MCCC1: variants seen among roughly 807,000 people sequenced by gnomAD.
The protein encoded by MCCC1 is methylcrotonyl-CoA carboxylase subunit 1, also known as methylcrotonoyl-CoA carboxylase subunit alpha, mitochondrial.
Under a neutral mutation model 83.8 loss-of-function variants are expected in MCCC1, and 64 were observed. The ratio of observed to expected loss-of-function variants is 0.76; its 90% CI spans 0.62 to 0.94. The LOEUF is 0.94. Among genes scored for constraint, MCCC1 ranks in the 40% least tolerant of loss-of-function variants. MCCC1 has a pLI of 0.00. For missense variants in MCCC1, 807 were observed against 904.7 expected, an observed-to-expected ratio of 0.89 and a Z score of 1.39; for synonymous variants, 322 against 315.4, an observed-to-expected ratio of 1.02 and a Z score of -0.22.
chr3:183,022,580 T>C (rs758013900), intron 15 of MCCC1, 26 bp from the exon 16 acceptor site: 1 of 1,561,664 alleles, frequency 6.4e-7, no homozygotes, highest in East Asian at 2.3e-5. Context: ...AATAAGATTT[T>C]TAAAATAAAT....
chr3:183,090,971 T>C, intron 3 of MCCC1: 2 of 456,598 alleles, frequency 4.4e-6, no homozygotes, highest in Middle Eastern at 3.3e-4. Context: ...CATAACTAAG[T>C]CAGCAGATTC....
At chr3:183,059,751 C>T (rs927143732) in intron 7 of MCCC1, among the ~76,000 whole-genome samples, 1 of 152,208 alleles carries the variant, frequency 6.6e-6, no homozygotes, top group African/African-American at 2.4e-5. Flanking sequence ...CTCCTTCATA[C>T]TTGAAGCATA....
At chr3:183,040,556 C>A (rs140379961) in intron 11 of MCCC1, among the ~76,000 whole-genome samples, 901 of 112,312 alleles carry the variant, frequency 8.0e-3, no homozygotes, top group Non-Finnish European at 0.01. Context: ...ACTAAAAATA[C>A]AAAAAAAAAA....
At chr3:183,082,423 T>C (rs1463542808) in intron 4 of MCCC1, among the ~76,000 whole-genome samples, 1 of 152,152 alleles carries the variant, frequency 6.6e-6, no homozygotes, top group African/African-American at 2.4e-5. Context: ...AATACACATA[T>C]AGAAAAGCAC....
intron 4 of MCCC1, among the ~76,000 whole-genome samples, chr3:183,075,565 GA>G (rs1418760166): frequency 8.0e-4 from 2 of 2,486 alleles, no homozygotes; most frequent in African/African-American, 1.1e-3. Context: ...TTTTGAGACA[GA>G]GTCTTGCTCT....
At chr3:183,049,770 G>A (rs1045141450) in intron 9 of MCCC1, among the ~76,000 whole-genome samples, 2 of 152,072 alleles carry the variant, frequency 1.3e-5, no homozygotes, top group Non-Finnish European at 2.9e-5. Flanking sequence ...TGATAACCTA[G>A]ATGAAATGAA....
intron 8 of MCCC1, among the ~76,000 whole-genome samples, chr3:183,056,667 A>G (rs753052171): frequency 1.3e-5 from 2 of 152,224 alleles, no homozygotes; most frequent in Non-Finnish European, 2.9e-5. Context: ...ATTCCATTCC[A>G]GTAATTAATT....
intron 4 of MCCC1, among the ~76,000 whole-genome samples, chr3:183,079,834 A>AG (rs1328086368): frequency 6.6e-6 from 1 of 152,194 alleles, no homozygotes; most frequent in Non-Finnish European, 1.5e-5. Flanking sequence ...ATCTAGGCGG[A>AG]GGTTCCCAAA....
chr3:183,044,174 G>A (rs1560227196), intron 10 of MCCC1, among the ~76,000 whole-genome samples: 1 of 152,160 alleles, frequency 6.6e-6, no homozygotes, highest in Non-Finnish European at 1.5e-5. Flanking sequence ...CAATTTAGAT[G>A]CAGGATATAC....
At chr3:183,040,097 A>AG in intron 11 of MCCC1, among the ~76,000 whole-genome samples, 1 of 72,906 alleles carries the variant, frequency 1.4e-5, no homozygotes, top group African/African-American at 6.1e-5. Flanking sequence ...ACTCCATCTC[A>AG]GAAAAAAAAA....
chr3:183,067,142 A>G (rs1716313847), intron 7 of MCCC1, among the ~76,000 whole-genome samples: 1 of 152,222 alleles, frequency 6.6e-6, no homozygotes, highest in Non-Finnish European at 1.5e-5. Context: ...TAAAGCCAAT[A>G]AAAGCCCCTG....
intron 7 of MCCC1, among the ~76,000 whole-genome samples, chr3:183,060,789 T>C (rs1715771037): frequency 6.6e-6 from 1 of 151,296 alleles, no homozygotes. Context: ...GTGTTCTCAT[T>C]GTTCAATTCC....
At chr3:183,093,733 C>T (rs1447429448) in intron 2 of MCCC1, among the ~76,000 whole-genome samples, 1 of 151,888 alleles carries the variant, frequency 6.6e-6, no homozygotes, top group East Asian at 1.9e-4. Flanking sequence ...AGAGTTGTCA[C>T]AGGGGCTGAT....
upstream of MCCC1, among the ~76,000 whole-genome samples, chr3:183,103,504 G>A (rs562084042): frequency 6.6e-5 from 10 of 152,114 alleles, no homozygotes; most frequent in Non-Finnish European, 1.2e-4. Flanking sequence ...CCACACAAAG[G>A]TTCTCCAAGC....
At chr3:183,082,909 G>A (rs1328930585) in intron 4 of MCCC1, among the ~76,000 whole-genome samples, 2 of 151,990 alleles carry the variant, frequency 1.3e-5, no homozygotes, top group Non-Finnish European at 2.9e-5. Context: ...AGGATCACTT[G>A]AGTCCATGAG....
At chr3:183,038,971 C>A in intron 12 of MCCC1, 55 bp downstream of exon 12, 11 of 1,492,484 alleles carry the variant, frequency 7.4e-6, no homozygotes, top group Non-Finnish European at 1.0e-5. Flanking sequence ...CAAAGGCTGA[C>A]CTCTGGTGCT....
At chr3:183,040,317 A>C (rs950052642) in intron 11 of MCCC1, among the ~76,000 whole-genome samples, 2 of 151,774 alleles carry the variant, frequency 1.3e-5, no homozygotes, top group African/African-American at 4.8e-5. Flanking sequence ...CCAGTCATAT[A>C]TTTTCTTACT....
chr3:183,035,277 C>A (rs1713473601), intron 13 of MCCC1, among the ~76,000 whole-genome samples: 3 of 152,178 alleles, frequency 2.0e-5, no homozygotes, highest in Admixed American at 2.0e-4. Context: ...TATTTAGATG[C>A]ATTTTCATTC....
At chr3:183,084,561 AG>A (rs1366900122) in intron 4 of MCCC1, among the ~76,000 whole-genome samples, 1 of 152,248 alleles carries the variant, frequency 6.6e-6, no homozygotes, top group African/African-American at 2.4e-5. Flanking sequence ...ATACCTATTC[AG>A]TTTAAGAACA....
Sources: allele counts gnomAD v4.1 joint callset (sites outside exome capture counted in the v4.1 genomes callset), GRCh38; gene constraint gnomAD v4.1.1; transcripts MANE v1.5; gene names NCBI Gene and HGNC (gene_info 2026-07-23, HGNC 2026-07-21).